Variants in EPHB1 observed in about 807,000 individuals in gnomAD.
EPHB1 encodes the protein EPH receptor B1, also known as ephrin type-B receptor 1.
Under a neutral mutation model 94.4 loss-of-function variants are expected in EPHB1, and 30 were observed. The observed-to-expected ratio is 0.32, with a 90% CI of 0.24 to 0.43. The LOEUF (loss-of-function observed/expected upper bound fraction) is 0.43, where lower values mean the gene tolerates loss of function less well. Ranked by LOEUF, EPHB1 falls within the 20% of genes least tolerant of loss-of-function variation. EPHB1 has a pLI of 1.00. For missense variants in EPHB1, 1,055 were observed against 1,308.3 expected (o/e 0.81, Z 2.99); for synonymous variants, 522 against 489.1 (o/e 1.07, Z -0.89).
intron 3 of EPHB1, among the ~76,000 whole-genome samples, chr3:135,064,786 C>T (rs1404125612): frequency 4.6e-5 from 7 of 151,836 alleles, no homozygotes; most frequent in South Asian, 2.1e-4. Context: ...TTCTTTGAGG[C>T]GTAACCTTAG....
At chr3:135,248,111 T>C (rs1332576765) in intron 13 of EPHB1, among the ~76,000 whole-genome samples, 1 of 152,188 alleles carries the variant, frequency 6.6e-6, no homozygotes, top group Non-Finnish European at 1.5e-5. Flanking sequence ...AGTACTACAA[T>C]GTGGCCCCTG....
At chr3:135,257,080 G>A (rs866278690) in intron 15 of EPHB1, among the ~76,000 whole-genome samples, 3,910 of 145,242 alleles carry the variant, frequency 0.027, 163 homozygotes, top group African/African-American at 0.096. Flanking sequence ...GCTCCTTTAA[G>A]CACTTCTCTG....
At chr3:134,940,199 C>T (rs1242101361) in intron 2 of EPHB1, among the ~76,000 whole-genome samples, 2 of 152,062 alleles carry the variant, frequency 1.3e-5, no homozygotes, top group African/African-American at 2.4e-5. Flanking sequence ...ATTTCCACAC[C>T]CTGGTGACTC....
intron 1 of EPHB1, among the ~76,000 whole-genome samples, chr3:134,901,008 C>T (rs1304624864): frequency 6.6e-6 from 1 of 152,062 alleles, no homozygotes; most frequent in Non-Finnish European, 1.5e-5. Context: ...AGAATTCATA[C>T]AGTACCTAAT....
At chr3:135,000,573 C>A (rs36074) in intron 3 of EPHB1, among the ~76,000 whole-genome samples, 1 of 152,016 alleles carries the variant, frequency 6.6e-6, no homozygotes, top group African/African-American at 2.4e-5. Flanking sequence ...GCAAAAATAA[C>A]GCAACACATT....
intron 1 of EPHB1, among the ~76,000 whole-genome samples, chr3:134,857,041 G>T (rs1374888566): frequency 1.3e-5 from 2 of 152,210 alleles, no homozygotes; most frequent in East Asian, 3.9e-4. Context: ...TCTTTTTGTT[G>T]TGGGAATTGA....
intron 9 of EPHB1, among the ~76,000 whole-genome samples, chr3:135,167,333 T>C (rs555323267): frequency 1.1e-4 from 17 of 152,166 alleles, no homozygotes; most frequent in Admixed American, 5.2e-4. Context: ...TGGGAAAAGA[T>C]GGAGTTCTCT....
chr3:134,952,185 C>A, intron 3 of EPHB1, 133 bp downstream of exon 3: 1 of 921,042 alleles, frequency 1.1e-6, no homozygotes, highest in East Asian at 2.5e-5. Flanking sequence ...TGAGGACTCC[C>A]ATTCCTAGTG....
At chr3:135,200,230 C>T (rs988985948) in intron 11 of EPHB1, among the ~76,000 whole-genome samples, 2 of 152,196 alleles carry the variant, frequency 1.3e-5, no homozygotes, top group Non-Finnish European at 2.9e-5. Context: ...AAAGTCAAGA[C>T]CCAGGAGCCT....
At chr3:135,098,943 G>A (rs1938917588) in intron 3 of EPHB1, among the ~76,000 whole-genome samples, 1 of 150,330 alleles carries the variant, frequency 6.7e-6, no homozygotes, top group Non-Finnish European at 1.5e-5. Context: ...ACCCTGGGAG[G>A]CGGAGGTTGC....
chr3:135,182,164 C>T (rs772554980), intron 10 of EPHB1, among the ~76,000 whole-genome samples: 57 of 152,176 alleles, frequency 3.7e-4, no homozygotes, highest in Non-Finnish European at 8.2e-4. Flanking sequence ...TCCCTCATAC[C>T]CTGCCCCACT....
At chr3:134,802,983 A>G (rs1005417886) in intron 1 of EPHB1, among the ~76,000 whole-genome samples, 1 of 152,116 alleles carries the variant, frequency 6.6e-6, no homozygotes, top group Non-Finnish European at 1.5e-5. Flanking sequence ...GGTGATAAAG[A>G]AGGTCCTGTT....
At chr3:135,005,241 G>A (rs1230290989) in intron 3 of EPHB1, among the ~76,000 whole-genome samples, 1 of 152,216 alleles carries the variant, frequency 6.6e-6, no homozygotes, top group Non-Finnish European at 1.5e-5. Context: ...GTGTGCCCCT[G>A]CTGGGGGGTG....
intron 1 of EPHB1, among the ~76,000 whole-genome samples, chr3:134,830,453 T>C (rs1184849141): frequency 1.3e-5 from 2 of 152,252 alleles, no homozygotes; most frequent in Non-Finnish European, 2.9e-5. Flanking sequence ...ATTTTAATTT[T>C]TATTAACATA....
At chr3:134,838,567 T>G (rs1450342020) in intron 1 of EPHB1, among the ~76,000 whole-genome samples, 1 of 152,202 alleles carries the variant, frequency 6.6e-6, no homozygotes, top group African/African-American at 2.4e-5. Flanking sequence ...TATGCTCAAA[T>G]TTAAAACCAC....
At chr3:135,006,011 G>T (rs114644022) in intron 3 of EPHB1, among the ~76,000 whole-genome samples, 1 of 152,172 alleles carries the variant, frequency 6.6e-6, no homozygotes, top group Non-Finnish European at 1.5e-5. Context: ...TAGGCATCTG[G>T]TATTTCTCCT....
At chr3:135,076,035 A>G (rs1472212614) in intron 3 of EPHB1, among the ~76,000 whole-genome samples, 1 of 152,046 alleles carries the variant, frequency 6.6e-6, no homozygotes, top group Non-Finnish European at 1.5e-5. Context: ...AAACAAGATT[A>G]CCTCACACCA....
chr3:135,135,253 A>G (rs185117763), intron 5 of EPHB1, among the ~76,000 whole-genome samples: 2 of 152,174 alleles, frequency 1.3e-5, no homozygotes, highest in East Asian at 1.9e-4. Flanking sequence ...GCACATGGTT[A>G]TTGTAAAACA....
At chr3:135,087,617 T>C (rs1310522202) in intron 3 of EPHB1, among the ~76,000 whole-genome samples, 1 of 152,146 alleles carries the variant, frequency 6.6e-6, no homozygotes, top group Admixed American at 6.5e-5. Context: ...ATAAGTGTAG[T>C]CGGCTCCTCT....
Sources: allele counts gnomAD v4.1 joint callset (sites outside exome capture counted in the v4.1 genomes callset), GRCh38; gene constraint gnomAD v4.1.1; transcripts MANE v1.5; gene names NCBI Gene and HGNC (gene_info 2026-07-23, HGNC 2026-07-21).